RAD18: variants seen among roughly 807,000 people sequenced by gnomAD.
RAD18 encodes RAD18 E3 ubiquitin protein ligase.
RAD18 carries 47 observed loss-of-function variants against 60.4 expected under a neutral mutation model. The observed-to-expected ratio is 0.78, with a 90% confidence interval of 0.62 to 0.99. RAD18 has a LOEUF of 0.99. Ranked by LOEUF, RAD18 falls within the 50% of genes least tolerant of loss-of-function variation. RAD18 has a pLI of 0.00. For synonymous variants in RAD18, 225 were observed against 195.5 expected (o/e 1.15, Z -1.26); for missense variants, 640 against 593.3 (o/e 1.08, Z -0.82).
intron 7 of RAD18, among the ~76,000 whole-genome samples, chr3:8,914,988 AAT>A (rs199612756): frequency 0.69 from 104,333 of 150,290 alleles, 36,763 homozygotes; most frequent in Middle Eastern, 0.77. Context: ...AATAAAAAAA[AAT>A]TTTTTAAAAT....
intron 7 of RAD18, among the ~76,000 whole-genome samples, chr3:8,917,390 T>A (rs947272338): frequency 6.6e-6 from 1 of 152,124 alleles, no homozygotes; most frequent in South Asian, 2.1e-4. Context: ...TGAAGATAAG[T>A]ATAAAATATA....
rs1013199381 is a variant in RAD18, at chr3:8,906,472, A to G, written c.1028-3952T>C. 2.6e-5 allele frequency among the ~76,000 whole-genome samples: 4 copies of G among 152,246 alleles called. No homozygotes were observed. In the East Asian group the frequency reaches 7.7e-4, roughly 29 times the overall value. On this transcript the variant is annotated intron_variant, in intron 9 of 12. Coordinates refer to ENST00000264926, the MANE Select transcript of RAD18 (RefSeq NM_020165.4). ...CTCCAATTTGGTCTCAATCAACTCT[A>G]AACACTTCTGACCTCTCTAATAAGG... is the stretch of plus-strand genomic sequence containing the variant.
chr3:8,891,266 T>C (rs1168308106), intron 11 of RAD18, among the ~76,000 whole-genome samples: 3 of 151,284 alleles, frequency 2.0e-5, no homozygotes. Flanking sequence ...GGTCACAGAG[T>C]TGGAGAAAGA....
chr3:8,963,315 A>C lies in RAD18; in HGVS notation c.51+20T>G. ...CCCCCGCAGACACCCGGGAGCTCCC[A>C]AACTCCCCGAAGCACTCACCTTCAT... On this transcript the variant is annotated intron_variant, in intron 1 of 12. Coordinates refer to ENST00000264926, the MANE Select transcript of RAD18 (RefSeq NM_020165.4). 1.2e-6 allele frequency: 2 copies of C among 1,603,286 alleles called. No homozygotes were observed. Among genetic ancestry groups the C allele is most frequent in the Non-Finnish European group, 1.7e-6 (2 of 1,174,654 alleles).
intron 1 of RAD18, among the ~76,000 whole-genome samples, chr3:8,960,452 C>T (rs1370095263): frequency 1.3e-5 from 2 of 152,000 alleles, no homozygotes; most frequent in Non-Finnish European, 2.9e-5. Context: ...TATTTTGAAC[C>T]ATGTGAACCT....
chr3:8,929,225 A>G (rs1940504248), intron 7 of RAD18, among the ~76,000 whole-genome samples: 1 of 152,136 alleles, frequency 6.6e-6, no homozygotes, highest in Admixed American at 6.5e-5. Context: ...AGGAAATCAT[A>G]AAAGACTGGA....
In RAD18 at chr3:8,877,408, C is replaced by T. The variant is rs943254927; in HGVS notation, c.*3949G>A. 8 of 152,176 alleles carry T rather than the reference C, an allele frequency of 5.3e-5. No homozygotes were observed. Among genetic ancestry groups the T allele is most frequent in the African/African-American group, 1.9e-4 (8 of 41,430 alleles). 9.4% of individuals were successfully genotyped at this position (152,176 alleles called of 1,614,324 possible). A position where few individuals can be genotyped will look rare whatever the true frequency, so the allele number is the denominator to read the frequency against. ...ACTCCCTCAAGCCCTTTTAGAAGGACCGTGACCCCATCTATAAGAGCTGTG... is the reference window on the plus strand; with the variant it reads ...ACTCCCTCAAGCCCTTTTAGAAGGATCGTGACCCCATCTATAAGAGCTGTG... On this transcript the variant is annotated 3_prime_UTR_variant, in exon 13 of 13. Coordinates refer to ENST00000264926, the MANE Select transcript of RAD18 (RefSeq NM_020165.4).
chr3:8,924,528 C>A (rs1940389920), intron 7 of RAD18, among the ~76,000 whole-genome samples: 1 of 139,446 alleles, frequency 7.2e-6, no homozygotes, highest in African/African-American at 2.6e-5. Flanking sequence ...ACAAGGATAT[C>A]CAGGAATTGA....
Position 8,935,888 on chromosome 3 carries a change from G to A in RAD18, c.872C>T (p.Ala291Val), listed in dbSNP as rs759791389. The stretch of plus-strand genomic sequence containing the variant: ...TACTTTACCTGATTTAGGATGCAAA[G>A]CATCGCATTGGGCATTGTACATGTG... Reference protein sequence around the residue: ...FVHMYNAQCDALHPKSAAEIV... With the variant: ...FVHMYNAQCDVLHPKSAAEIV... Residue 291 changes from alanine to valine, a missense_variant, in exon 7 of 13, where the codon GCT (alanine) becomes GTT (valine). Ala to Val is a moderately conservative substitution (Grantham distance 64, BLOSUM62 0). Transcript: ENST00000264926. 3 of 1,590,438 alleles carry A rather than the reference G, an allele frequency of 1.9e-6. No homozygotes were observed. Among genetic ancestry groups the A allele is most frequent in the Non-Finnish European group, 2.6e-6 (3 of 1,171,722 alleles).
At chr3:8,892,914 T>A (rs375408456) in intron 11 of RAD18, among the ~76,000 whole-genome samples, 2 of 152,232 alleles carry the variant, frequency 1.3e-5, no homozygotes, top group South Asian at 4.1e-4. Context: ...CTTTCCTCTG[T>A]GTCAATATCC....
chr3:8,939,603 G>A lies in RAD18; in HGVS notation c.655C>T (p.His219Tyr). 1.9e-6 allele frequency: 3 copies of A among 1,613,180 alleles called. No individual in the cohort carries two copies. The highest frequency in any genetic ancestry group is 2.5e-6 in the Non-Finnish European group (3 of 1,179,370). ...TCGCGTGATAAACAGCTGTCTAAAT[G>A]CTTATTAATGTGACTTTCTGGAATG... ...VNIPESHINK[H>Y]LDSCLSREEK... is the part of the protein sequence containing the mutation. The change falls in exon 6 of 13, where the codon CAT (histidine) becomes TAT (tyrosine). Residue 219 changes from histidine to tyrosine, a missense_variant. Transcript: ENST00000264926.
chr3:8,939,714 A>T, intron 5 of RAD18, 61 bp from the exon 6 acceptor site: 3 of 1,355,654 alleles, frequency 2.2e-6, no homozygotes, highest in Non-Finnish European at 3.1e-6. Context: ...AAAAGTATGT[A>T]AACTGGCATC....
chr3:8,912,170 C>T, intron 9 of RAD18, 142 bp downstream of exon 9: 1 of 646,916 alleles, frequency 1.5e-6, no homozygotes, highest in Non-Finnish European at 2.5e-6. Flanking sequence ...TAAGTAAACA[C>T]CCAATTAAAA....
intron 7 of RAD18, among the ~76,000 whole-genome samples, chr3:8,919,328 T>TA (rs911679549): frequency 1.4e-4 from 21 of 150,950 alleles, no homozygotes; most frequent in African/African-American, 1.2e-4. Flanking sequence ...GAATACAATT[T>TA]AAAAAAAAAC....
At chr3:8,906,331 A>T (rs1230361465) in intron 9 of RAD18, among the ~76,000 whole-genome samples, 1 of 152,180 alleles carries the variant, frequency 6.6e-6, no homozygotes, top group Non-Finnish European at 1.5e-5. Context: ...ACAAGCAAAC[A>T]AAACCCTCCC....
chr3:8,903,025 C>CAA (rs1311166634), intron 9 of RAD18, among the ~76,000 whole-genome samples: 2 of 124,534 alleles, frequency 1.6e-5, no homozygotes, highest in African/African-American at 2.9e-5. Context: ...GACTCTGTCT[C>CAA]AAAAAAAAAA....
chr3:8,961,897 C>CTAA (rs1941099689), intron 1 of RAD18, among the ~76,000 whole-genome samples: 1 of 152,148 alleles, frequency 6.6e-6, no homozygotes, highest in Non-Finnish European at 1.5e-5. Flanking sequence ...AAAGCAGGAG[C>CTAA]TTTACAGGTT....
chr3:8,881,127 G>A lies in RAD18; in HGVS notation c.*230C>T. On this transcript the variant is annotated 3_prime_UTR_variant, in exon 13 of 13. Coordinates refer to ENST00000264926, the MANE Select transcript of RAD18 (RefSeq NM_020165.4). ...TGCAAAGCTGGTACCTGTGTGAAAT[G>A]TCAGTATTTTTAGAGAGAGATGTTT... 4.4e-6 allele frequency: 2 copies of A among 457,746 alleles called. No individual in the cohort carries two copies. The allele number at this position is 457,746 out of a possible 1,614,324, so 28.4% of individuals were successfully genotyped here.
At chr3:8,952,733 C>A (rs963960641) in intron 2 of RAD18, among the ~76,000 whole-genome samples, 6 of 152,042 alleles carry the variant, frequency 3.9e-5, no homozygotes, top group South Asian at 2.1e-4. Context: ...TCACAGCAAC[C>A]CTGAGGTTGG....
Sources: allele counts gnomAD v4.1 joint callset (sites outside exome capture counted in the v4.1 genomes callset), GRCh38; gene constraint gnomAD v4.1.1; transcripts MANE v1.5; gene names NCBI Gene and HGNC (gene_info 2026-07-23, HGNC 2026-07-21).